AGBL1: variants seen among roughly 807,000 people sequenced by gnomAD.
AGBL1 encodes AGBL carboxypeptidase 1.
In AGBL1, 130 loss-of-function variants were observed where a neutral mutation model predicts 118.9. The ratio of observed to expected loss-of-function variants is 1.09; its 90% CI spans 0.95 to 1.26. The LOEUF (loss-of-function observed/expected upper bound fraction) is 1.26. Ranked by LOEUF, AGBL1 falls within the 50% of genes most tolerant of loss-of-function variation. The probability of loss-of-function intolerance (pLI) is 0.00; values close to 1 mark genes in which losing one functional copy is unlikely to be tolerated. For missense variants in AGBL1, 1,584 were observed against 1,298.1 expected (o/e 1.22, Z -3.38); for synonymous variants, 555 against 478.9 (o/e 1.16, Z -2.08).
At chr15:86,795,758 GTATT>G (rs1181525492) in intron 22 of AGBL1, among the ~76,000 whole-genome samples, 2 of 151,292 alleles carry the variant, frequency 1.3e-5, no homozygotes, top group Non-Finnish European at 2.9e-5. Flanking sequence ...CTAATTTTTT[GTATT>G]TTTAGTAGAG....
intron 5 of AGBL1, among the ~76,000 whole-genome samples, chr15:86,197,124 T>C (rs550517873): frequency 2.0e-5 from 3 of 152,220 alleles, no homozygotes; most frequent in Admixed American, 6.5e-5. Context: ...TATTGAGAAG[T>C]GGGGTGCTGC....
At chr15:86,187,529 C>T (rs1252251977) in intron 5 of AGBL1, among the ~76,000 whole-genome samples, 1 of 152,166 alleles carries the variant, frequency 6.6e-6, no homozygotes, top group African/African-American at 2.4e-5. Flanking sequence ...AAGCAACTTT[C>T]TTAATGCTGC....
intron 21 of AGBL1, among the ~76,000 whole-genome samples, chr15:86,671,290 G>A (rs948630577): frequency 6.6e-6 from 1 of 151,928 alleles, no homozygotes; most frequent in Admixed American, 6.6e-5. Flanking sequence ...AAACAAACAG[G>A]AGAATGGCAG....
intron 18 of AGBL1, among the ~76,000 whole-genome samples, chr15:86,399,642 T>C (rs1315021049): frequency 1.3e-5 from 2 of 152,158 alleles, no homozygotes; most frequent in Non-Finnish European, 2.9e-5. Flanking sequence ...TGTAGTTTCT[T>C]CAATTTTAAA....
At chr15:86,447,957 C>T (rs949151246) in intron 18 of AGBL1, among the ~76,000 whole-genome samples, 1 of 151,934 alleles carries the variant, frequency 6.6e-6, no homozygotes. Flanking sequence ...TCGACATGGG[C>T]AACATAACGA....
rs529461181 is a variant in AGBL1 at position 86,933,018 on chromosome 15, G to A, written c.3222-54969G>A. The A allele has an allele frequency of 1.3e-3, 192 of 152,164 alleles. 7 individuals carry two copies. The highest frequency in any genetic ancestry group is 1.1e-3 in the Non-Finnish European group (78 of 68,026). The allele number at this position is 152,164 out of a possible 1,614,324, so 9.4% of individuals were successfully genotyped here. A position where few individuals can be genotyped will look rare whatever the true frequency, so the allele number is the denominator to read the frequency against. Reference sequence around the variant, plus strand: ...AGGCATAATTTGTGAATATGCAGTTGAATAAATAATAATAGAATTTTAAAC... The same window carrying A: ...AGGCATAATTTGTGAATATGCAGTTAAATAAATAATAATAGAATTTTAAAC... On this transcript the variant is annotated intron_variant, in intron 23 of 24. Transcript: ENST00000441037.
At chr15:86,783,640 A>AT (rs2078366533) in intron 22 of AGBL1, among the ~76,000 whole-genome samples, 2 of 152,134 alleles carry the variant, frequency 1.3e-5, no homozygotes, top group South Asian at 2.1e-4. Flanking sequence ...TTTTATTTGT[A>AT]TTTTTTTGAG....
intron 18 of AGBL1, among the ~76,000 whole-genome samples, chr15:86,428,809 C>T (rs2081898244): frequency 6.6e-6 from 1 of 152,214 alleles, no homozygotes; most frequent in Non-Finnish European, 1.5e-5. Context: ...CAAAGGAATA[C>T]ATGAAACCCT....
chr15:86,951,116 G>A (rs969997798), intron 23 of AGBL1, among the ~76,000 whole-genome samples: 13 of 152,114 alleles, frequency 8.5e-5, no homozygotes, highest in African/African-American at 3.1e-4. Flanking sequence ...AGTTATGCTA[G>A]GTTCAAAAGT....
At chr15:86,296,101 C>T (rs2079633874) in intron 17 of AGBL1, 1 of 151,848 alleles carries the variant, frequency 6.6e-6, no homozygotes, top group Non-Finnish European at 1.5e-5. Context: ...TACACACAAA[C>T]ATCTTTAAAT....
chr15:86,968,566 G>C (rs1255725511), intron 23 of AGBL1, among the ~76,000 whole-genome samples: 2 of 150,298 alleles, frequency 1.3e-5, no homozygotes, highest in Admixed American at 6.6e-5. Flanking sequence ...TAGGCCCCGT[G>C]ACTACACCAT....
intron 21 of AGBL1, among the ~76,000 whole-genome samples, chr15:86,663,687 A>G (rs1476724742): frequency 6.6e-6 from 1 of 152,160 alleles, no homozygotes; most frequent in African/African-American, 2.4e-5. Context: ...AACATAATTT[A>G]TAAGAAAGAC....
At chr15:86,879,012 G>A (rs1054344010) in intron 22 of AGBL1, among the ~76,000 whole-genome samples, 1 of 152,204 alleles carries the variant, frequency 6.6e-6, no homozygotes, top group African/African-American at 2.4e-5. Flanking sequence ...AGCCCTGGCA[G>A]GAGCATGAGT....
At chr15:86,806,854 C>G (rs997143929) in intron 22 of AGBL1, among the ~76,000 whole-genome samples, 10 of 151,428 alleles carry the variant, frequency 6.6e-5, no homozygotes, top group African/African-American at 2.4e-4. Flanking sequence ...TCTTTTACAT[C>G]TATTATATTC....
At chr15:86,449,602 G>A (rs568163049) in intron 18 of AGBL1, among the ~76,000 whole-genome samples, 2 of 152,324 alleles carry the variant, frequency 1.3e-5, no homozygotes, top group East Asian at 3.9e-4. Flanking sequence ...CAGGCTCATG[G>A]CAAGGATTAA....
intron 17 of AGBL1, among the ~76,000 whole-genome samples, chr15:86,350,477 C>T (rs902070640): frequency 6.6e-6 from 1 of 152,176 alleles, no homozygotes; most frequent in African/African-American, 2.4e-5. Flanking sequence ...ATGTGCTGGT[C>T]GGGTGTCATC....
intron 24 of AGBL1, among the ~76,000 whole-genome samples, chr15:87,000,865 G>A (rs2081429943): frequency 6.8e-6 from 1 of 147,928 alleles, no homozygotes; most frequent in Non-Finnish European, 1.5e-5. Context: ...CATGAGCATG[G>A]CATGTTCTTC....
chr15:86,558,321 C>T (rs545434002), intron 21 of AGBL1, among the ~76,000 whole-genome samples: 1 of 152,280 alleles, frequency 6.6e-6, no homozygotes, highest in South Asian at 2.1e-4. Context: ...AGCTATGGCT[C>T]CTCCCTACCT....
At chr15:87,025,737 CCACTACCT>C (rs2081720322) in intron 24 of AGBL1, among the ~76,000 whole-genome samples, 1 of 151,638 alleles carries the variant, frequency 6.6e-6, no homozygotes, top group African/African-American at 2.4e-5. Context: ...TGGAGGCATC[CCACTACCT>C]GATTTCAAAC....
Sources: gnomAD v4.1 joint callset for allele counts (sites outside exome capture counted in the v4.1 genomes callset) on GRCh38, gnomAD v4.1.1 for gene constraint, MANE v1.5 for transcripts, NCBI Gene and HGNC (gene_info 2026-07-23, HGNC 2026-07-21) for gene names.